Variants in PRKAR1B observed in about 807,000 individuals in gnomAD.
PRKAR1B encodes the protein protein kinase cAMP-dependent type I regulatory subunit beta, also known as cAMP-dependent protein kinase type I-beta regulatory subunit.
In PRKAR1B, 22 loss-of-function variants were observed where a neutral mutation model predicts 46.5. That is an observed-to-expected ratio of 0.47 (90% confidence interval 0.34 to 0.68). PRKAR1B has a LOEUF of 0.68. PRKAR1B is among the 30% of genes least tolerant of loss of function. The pLI is 0.01. For missense variants in PRKAR1B, 445 were observed against 535.6 expected, an observed-to-expected ratio of 0.83 and a Z score of 1.67; for synonymous variants, 259 against 217.7, an observed-to-expected ratio of 1.19 and a Z score of -1.67.
intron 8 of PRKAR1B, among the ~76,000 whole-genome samples, chr7:580,740 T>C (rs1346125201): frequency 4.8e-5 from 6 of 125,542 alleles, no homozygotes; most frequent in Admixed American, 3.1e-4. Flanking sequence ...GATTTCTTTT[T>C]TGACAAAAAA....
At chr7:553,001 C>T (rs879302274) in intron 9 of PRKAR1B, among the ~76,000 whole-genome samples, 17 of 152,262 alleles carry the variant, frequency 1.1e-4, no homozygotes, top group Non-Finnish European at 2.1e-4. Flanking sequence ...GCACGTGCTA[C>T]GCACAGATGC....
At chr7:718,517 C>T (rs999683953) in intron 1 of PRKAR1B, among the ~76,000 whole-genome samples, 2 of 151,836 alleles carry the variant, frequency 1.3e-5, no homozygotes, top group Non-Finnish European at 2.9e-5. Context: ...CCACCACTTC[C>T]AGCAAATTTT....
At chr7:662,385 C>CT (rs1330106290) in intron 4 of PRKAR1B, among the ~76,000 whole-genome samples, 1 of 136,856 alleles carries the variant, frequency 7.3e-6, no homozygotes. Flanking sequence ...AATACCTACT[C>CT]TTCCCTCCAT....
chr7:574,962 C>T lies in PRKAR1B; in HGVS notation c.891+4294G>A, dbSNP rs760956917. On this transcript the variant is annotated intron_variant, in intron 9 of 10. Transcript: ENST00000537384. ...GTCGTCCTGCTGGCGGTGGAGCGGCCGGGAGAGCCACCGCCATTGCTCTGT... is the reference window on the plus strand; with the variant it reads ...GTCGTCCTGCTGGCGGTGGAGCGGCTGGGAGAGCCACCGCCATTGCTCTGT... Among the ~76,000 whole-genome samples the T allele has an allele frequency of 2.2e-3, 328 of 152,294 alleles. 2 individuals are homozygous for T. The highest frequency in any genetic ancestry group is 4.1e-3 in the Non-Finnish European group (280 of 68,034).
chr7:571,346 G>T (rs1398858158), intron 9 of PRKAR1B, among the ~76,000 whole-genome samples: 2 of 152,130 alleles, frequency 1.3e-5, no homozygotes, highest in East Asian at 3.9e-4. Flanking sequence ...GTGCTGTTTT[G>T]CAGGGGTCCC....
chr7:559,224 G>A (rs545880025), intron 9 of PRKAR1B, among the ~76,000 whole-genome samples: 8 of 152,188 alleles, frequency 5.3e-5, no homozygotes, highest in African/African-American at 7.2e-5. Flanking sequence ...CAGGAGAGCC[G>A]AGAATCAGTT....
chr7:614,072 G>GGAGCC (rs1428475137), intron 4 of PRKAR1B, among the ~76,000 whole-genome samples: 6 of 152,184 alleles, frequency 3.9e-5, no homozygotes, highest in Non-Finnish European at 8.8e-5. Flanking sequence ...AGAGGGGAGG[G>GGAGCC]GAGCCAGGCC....
intron 2 of PRKAR1B, among the ~76,000 whole-genome samples, chr7:695,964 CTT>C (rs766921714): frequency 7.1e-4 from 73 of 102,132 alleles, no homozygotes; most frequent in South Asian, 3.9e-3. Context: ...GCGCCCAACC[CTT>C]TTTTTTTTTT....
chr7:551,370 G>A lies in PRKAR1B; in HGVS notation c.973+19C>T, dbSNP rs376335136. On this transcript the variant is annotated intron_variant, in intron 10 of 10. Transcript: ENST00000537384. ...GATGGCCACAGCCGTGCGAGGGAGGGGACGCCCACTGGACTCACCGAAGTA... is the reference window on the plus strand; with the variant it reads ...GATGGCCACAGCCGTGCGAGGGAGGAGACGCCCACTGGACTCACCGAAGTA... 302 of 1,550,148 alleles carry A rather than the reference G, an allele frequency of 1.9e-4. No individual in the cohort carries two copies. Among genetic ancestry groups the A allele is most frequent in the Non-Finnish European group, 2.6e-4 (296 of 1,146,600 alleles).
chr7:564,895 T>C (rs2128428874), intron 9 of PRKAR1B, among the ~76,000 whole-genome samples: 1 of 152,248 alleles, frequency 6.6e-6, no homozygotes, highest in Admixed American at 6.5e-5. Flanking sequence ...CAGGGGTATT[T>C]TTCCACCATC....
At position 669,867 on chromosome 7, in the gene PRKAR1B, A is replaced by ATTTTTTTTTTTTTT. The variant is rs570284003; in HGVS notation, c.440+7348_440+7361dup. On this transcript the variant is annotated intron_variant, in intron 4 of 10. Transcript: ENST00000537384. ...GCTGGTGGGCAGGTCCACGTGCCAT[A>ATTTTTTTTTTTTTT]TTTTTTTTTTTTTTTTGAGACGGAG... Among the ~76,000 whole-genome samples the ATTTTTTTTTTTTTT allele has an allele frequency of 2.3e-3, 299 of 131,352 alleles. 12 individuals carry two copies. The highest frequency in any genetic ancestry group is 4.9e-3 in the Middle Eastern group (1 of 206). The allele number at this position is 131,352 out of a possible 152,430, so 86.2% of individuals were successfully genotyped here.
chr7:575,665 C>T (rs1465862981), intron 9 of PRKAR1B, among the ~76,000 whole-genome samples: 5 of 152,184 alleles, frequency 3.3e-5, no homozygotes, highest in African/African-American at 1.2e-4. Flanking sequence ...CCCGCCTCCG[C>T]CTCCCAAGTA....
intron 9 of PRKAR1B, among the ~76,000 whole-genome samples, chr7:555,980 C>T (rs577141371): frequency 2.4e-4 from 37 of 152,332 alleles, no homozygotes; most frequent in Admixed American, 7.8e-4. Flanking sequence ...AGGTACAAGC[C>T]GTCTTCATCC....
chr7:650,573 T>G (rs1320334633), intron 4 of PRKAR1B, among the ~76,000 whole-genome samples: 1 of 152,140 alleles, frequency 6.6e-6, no homozygotes, highest in Non-Finnish European at 1.5e-5. Context: ...CTCCCGCCCC[T>G]GCACACGTCC....
At chr7:670,833 C>A (rs34352362) in intron 4 of PRKAR1B, among the ~76,000 whole-genome samples, 13,865 of 131,534 alleles carry the variant, frequency 0.11, 765 homozygotes, top group Middle Eastern at 0.31. Context: ...CATCCGGCAG[C>A]GGGGCTCCGG....
At chr7:588,420 A>G (rs1176192147) in intron 7 of PRKAR1B, among the ~76,000 whole-genome samples, 1 of 152,112 alleles carries the variant, frequency 6.6e-6, no homozygotes, top group African/African-American at 2.4e-5. Context: ...GATGGTGGTG[A>G]TGTTGGTGAG....
chr7:639,491 G>GA (rs1222737296), intron 4 of PRKAR1B, among the ~76,000 whole-genome samples: 1 of 152,212 alleles, frequency 6.6e-6, no homozygotes, highest in Non-Finnish European at 1.5e-5. Flanking sequence ...CAAAATCAGA[G>GA]AAAATCTTCA....
chr7:551,404 GT>G lies in PRKAR1B; in HGVS notation c.957del (p.Ser321LeufsTer11). On this transcript the variant is annotated frameshift_variant, in exon 10 of 11. Coordinates refer to ENST00000537384, the MANE Select transcript of PRKAR1B (RefSeq NM_001164760.2). LOFTEE classifies it high-confidence loss of function. ...CTGGACTCACCGAAGTAGTCAGAGG[GT>G]CCCAGGCGCCCCACCTCCACGTACT... ...NEEYVEVGRLGPSDYFGEIAL... is the reference protein window; with the variant it reads ...NEEYVEVGRLXPSDYFGEIAL... 6.4e-7 allele frequency: 1 copy of G among 1,559,246 alleles called. No individual in the cohort carries two copies. The highest frequency in any genetic ancestry group is 8.7e-7 in the Non-Finnish European group (1 of 1,151,404).
chr7:680,468 G>A, intron 3 of PRKAR1B, 88 bp downstream of exon 3: 3 of 1,315,064 alleles, frequency 2.3e-6, no homozygotes, highest in South Asian at 3.0e-5. Flanking sequence ...AGGAGGATGA[G>A]GGTGCCCCGT....
Sources: allele counts gnomAD v4.1 joint callset (sites outside exome capture counted in the v4.1 genomes callset), GRCh38; gene constraint gnomAD v4.1.1; transcripts MANE v1.5; gene names NCBI Gene and HGNC (gene_info 2026-07-23, HGNC 2026-07-21).